Variants in NGLY1 observed in about 807,000 individuals in gnomAD.
NGLY1 encodes the protein peptide-N(4)-(N-acetyl-beta-glucosaminyl)asparagine amidase.
A neutral mutation model predicts 84.6 loss-of-function variants in NGLY1; 68 were observed. That is an observed-to-expected ratio of 0.80 (90% confidence interval 0.66 to 0.98). The LOEUF (loss-of-function observed/expected upper bound fraction) is 0.98. Ranked by LOEUF, NGLY1 falls within the 50% of genes least tolerant of loss-of-function variation. The pLI is 0.00. For missense variants in NGLY1, 779 were observed against 770.2 expected (o/e 1.01, Z -0.14); for synonymous variants, 280 against 275.2 (o/e 1.02, Z -0.17).
rs1306695269 is a variant in NGLY1, at chr3:25,751,235, A to G, written c.521T>C (p.Val174Ala). ...TVAADSAILE[V>A]LQSNIQHVLV... ...CACATGCTGAATGTTGGACTGAAGA[A>G]CTTCTAGAATGGCTGAGTCAGCAGC... The change falls in exon 4 of 12, where the codon GTT becomes GCT. Residue 174 changes from valine (V) to alanine (A), a missense_variant. Coordinates refer to ENST00000280700, the MANE Select transcript of NGLY1 (RefSeq NM_018297.4). 1 of 1,596,050 alleles carries G rather than the reference A, an allele frequency of 6.3e-7. No homozygotes were observed. Among genetic ancestry groups the G allele is most frequent in the Admixed American group, 1.7e-5 (1 of 57,620 alleles).
At chr3:25,760,485 A>G (rs538047678) in intron 3 of NGLY1, among the ~76,000 whole-genome samples, 1 of 152,334 alleles carries the variant, frequency 6.6e-6, no homozygotes, top group South Asian at 2.1e-4. Flanking sequence ...GCATGCAAGT[A>G]TTAACTTTTA....
intron 3 of NGLY1, among the ~76,000 whole-genome samples, chr3:25,752,670 C>T (rs1706818197): frequency 1.3e-5 from 2 of 151,012 alleles, no homozygotes; most frequent in African/African-American, 2.4e-5. Flanking sequence ...ATTAAGTAGT[C>T]AAGCATAGTG....
At chr3:25,725,811 T>C (rs7653802) in intron 10 of NGLY1, among the ~76,000 whole-genome samples, 101,283 of 152,084 alleles carry the variant, frequency 0.67, 39,155 homozygotes, top group East Asian at 0.94. Context: ...GAGGTTTTTT[T>C]CACTCAGATT....
At chr3:25,782,151 A>T (rs1245773695) in intron 1 of NGLY1, among the ~76,000 whole-genome samples, 1 of 152,138 alleles carries the variant, frequency 6.6e-6, no homozygotes, top group Non-Finnish European at 1.5e-5. Context: ...TTTTCCCTTC[A>T]ATTTACTTTA....
rs571139956 is a variant in NGLY1 at position 25,720,653 on chromosome 3, T to A, written c.1612-462A>T. 9.2e-5 allele frequency among the ~76,000 whole-genome samples: 14 copies of A among 152,338 alleles called. 1 individual carries two copies. The South Asian group carries it at 2.9e-3, about 32-fold the overall frequency. On this transcript the variant is annotated intron_variant, in intron 10 of 11. Coordinates refer to ENST00000280700, the MANE Select transcript of NGLY1 (RefSeq NM_018297.4). ...TAAATCGAGAAAATACCTGAGCCAC[T>A]GCTAACTAATGGTTTAAAAGGTGAT... is the stretch of plus-strand genomic sequence containing the variant.
intron 4 of NGLY1, 109 bp from the exon 5 acceptor site, chr3:25,739,908 A>G: frequency 8.3e-6 from 7 of 843,590 alleles, no homozygotes; most frequent in Non-Finnish European, 1.3e-5. Flanking sequence ...ACATAAGATG[A>G]TTTTAAGGTT....
At chr3:25,774,450 G>C (rs570605509) in intron 2 of NGLY1, among the ~76,000 whole-genome samples, 2 of 152,298 alleles carry the variant, frequency 1.3e-5, no homozygotes, top group East Asian at 3.9e-4. Context: ...GACTCTCTTT[G>C]GGTTGGGCTT....
At chr3:25,784,100 C>T (rs936506166), upstream of NGLY1, 1 of 152,186 alleles carries the variant, frequency 6.6e-6, no homozygotes. Context: ...GGATGAAAGA[C>T]TACAGAAGGA....
At chr3:25,756,759 T>A (rs756892234) in intron 3 of NGLY1, among the ~76,000 whole-genome samples, 1 of 152,174 alleles carries the variant, frequency 6.6e-6, no homozygotes, top group Non-Finnish European at 1.5e-5. Flanking sequence ...TAAGATGGGA[T>A]CAAACCTGAA....
chr3:25,756,402 T>C (rs1475077535), intron 3 of NGLY1, among the ~76,000 whole-genome samples: 5 of 152,202 alleles, frequency 3.3e-5, no homozygotes, highest in Admixed American at 1.3e-4. Context: ...ATGGCTTGCA[T>C]TTGCTGTTTT....
chr3:25,776,695 T>TTA (rs144042846), intron 2 of NGLY1, among the ~76,000 whole-genome samples: 3,769 of 152,270 alleles, frequency 0.025, 82 homozygotes, highest in Admixed American at 0.065. Flanking sequence ...TCCCATCCAA[T>TTA]TAGTTGCTTA....
At chr3:25,788,054 GT>G (rs1708643157), upstream of NGLY1, among the ~76,000 whole-genome samples, 1 of 152,180 alleles carries the variant, frequency 6.6e-6, no homozygotes, top group South Asian at 2.1e-4. Context: ...TATAGCACCT[GT>G]TTCAACAGTT....
intron 9 of NGLY1, among the ~76,000 whole-genome samples, chr3:25,730,754 C>T (rs1705499058): frequency 6.6e-6 from 1 of 152,100 alleles, no homozygotes; most frequent in Non-Finnish European, 1.5e-5. Context: ...TCCTTTAAAA[C>T]ATATTCTGTT....
chr3:25,759,010 T>C (rs1037326537), intron 3 of NGLY1, among the ~76,000 whole-genome samples: 4 of 152,210 alleles, frequency 2.6e-5, no homozygotes. Context: ...AATTTGCGTG[T>C]GATTCCAGTG....
rs574842516 is a variant in NGLY1 at position 25,730,451 on chromosome 3, TA to T, written c.1426-1134del. 2.0e-4 allele frequency: 30 copies of T among 152,238 alleles called. No homozygotes were observed. The East Asian group carries it at 5.4e-3, about 27-fold the overall frequency. The allele number at this position is 152,238 out of a possible 1,614,324, so 9.4% of individuals were successfully genotyped here. A position where few individuals can be genotyped will look rare whatever the true frequency, so the allele number is the denominator to read the frequency against. On this transcript the variant is annotated intron_variant, in intron 9 of 11. Transcript: ENST00000280700. Reference sequence around the variant, plus strand: ...TGGTATGCAACCCAATTCATATTTTTAAAGTTAATCAACTTCCATGCCATGC... The same window carrying T: ...TGGTATGCAACCCAATTCATATTTTTAAGTTAATCAACTTCCATGCCATGC...
intron 3 of NGLY1, among the ~76,000 whole-genome samples, chr3:25,753,542 T>C (rs1220521744): frequency 6.6e-6 from 1 of 152,084 alleles, no homozygotes; most frequent in Non-Finnish European, 1.5e-5. Context: ...AAAATCTCAA[T>C]TTTTTCATAG....
chr3:25,770,580 T>C (rs1386484135), intron 2 of NGLY1, among the ~76,000 whole-genome samples: 1 of 152,260 alleles, frequency 6.6e-6, no homozygotes, highest in Non-Finnish European at 1.5e-5. Context: ...TCTGGGTAGA[T>C]ATCCAGTACA....
chr3:25,748,920 A>C (rs1182638024), intron 4 of NGLY1, among the ~76,000 whole-genome samples: 2 of 152,226 alleles, frequency 1.3e-5, no homozygotes, highest in Non-Finnish European at 2.9e-5. Flanking sequence ...AAAGTTTTTA[A>C]AAAGAATGTT....
At chr3:25,755,386 T>C (rs1706987736) in intron 3 of NGLY1, 1 of 1,377,952 alleles carries the variant, frequency 7.3e-7, no homozygotes, top group South Asian at 1.2e-5. Flanking sequence ...GTAGCAAACC[T>C]ACCACTCCTA....
Sources: allele counts gnomAD v4.1 joint callset (sites outside exome capture counted in the v4.1 genomes callset), GRCh38; gene constraint gnomAD v4.1.1; transcripts MANE v1.5; gene names NCBI Gene and HGNC (gene_info 2026-07-23, HGNC 2026-07-21).